NDUFS2: variants seen among roughly 807,000 people sequenced by gnomAD.
NDUFS2 encodes the protein NADH dehydrogenase [ubiquinone] iron-sulfur protein 2, mitochondrial.
NDUFS2 carries 38 observed loss-of-function variants against 69.6 expected under a neutral mutation model. That is an observed-to-expected ratio of 0.55 (90% confidence interval 0.42 to 0.72). The LOEUF is 0.72. NDUFS2 is among the 30% of genes least tolerant of loss of function. The pLI is 0.00. For missense variants in NDUFS2, 468 were observed against 595.0 expected, an observed-to-expected ratio of 0.79 and a Z score of 2.22; for synonymous variants, 194 against 211.2, an observed-to-expected ratio of 0.92 and a Z score of 0.70.
chr1:161,205,145 G>A (rs112803994), intron 2 of NDUFS2, among the ~76,000 whole-genome samples: 1 of 152,082 alleles, frequency 6.6e-6, no homozygotes, highest in Non-Finnish European at 1.5e-5. Context: ...GAAAAGATGG[G>A]CTCTGGTTTC....
At chr1:161,205,862 T>A (rs145629160) in intron 2 of NDUFS2, among the ~76,000 whole-genome samples, 2,273 of 152,272 alleles carry the variant, frequency 0.015, 28 homozygotes, top group Non-Finnish European at 0.021. Flanking sequence ...TGGCCATTCA[T>A]TGGATACATT....
rs1414679694 is a variant in NDUFS2 at position 161,203,876 on chromosome 1, C to T, written c.202+333C>T. 1.9e-5 allele frequency: 7 copies of T among 372,530 alleles called. No homozygotes were observed. In the East Asian group the frequency reaches 3.9e-4, roughly 21 times the overall value. The allele number at this position is 372,530 out of a possible 1,614,324, so 23.1% of individuals were successfully genotyped here. A position where few individuals can be genotyped will look rare whatever the true frequency, so the allele number is the denominator to read the frequency against. Reference sequence around the variant, plus strand: ...CTCAGCCTCCGAAAGTGCTGAGATACAGGCTTGAGCCACCATGCCTGGCCT... The same window carrying T: ...CTCAGCCTCCGAAAGTGCTGAGATATAGGCTTGAGCCACCATGCCTGGCCT... On this transcript the variant is annotated intron_variant, in intron 2 of 13. Coordinates refer to ENST00000676972, the MANE Select transcript of NDUFS2 (RefSeq NM_001377299.1).
intron 1 of NDUFS2, 52 bp from the exon 2 acceptor site, chr1:161,203,385 G>A (rs1198394308): frequency 4.0e-6 from 6 of 1,488,128 alleles, no homozygotes; most frequent in Non-Finnish European, 5.6e-6. Context: ...GGGAACACAG[G>A]AACCAAACAC....
rs970706713 is a variant in NDUFS2 at position 161,203,737 on chromosome 1, C to T, written c.202+194C>T. ...CAGCCTCCCCAGAAAGCCGCAACAACAGGCCTGTGCCACCACAACTGGCTA... is the reference window on the plus strand; with the variant it reads ...CAGCCTCCCCAGAAAGCCGCAACAATAGGCCTGTGCCACCACAACTGGCTA... On this transcript the variant is annotated intron_variant, in intron 2 of 13. Transcript: ENST00000676972. 10 of 622,724 alleles carry T rather than the reference C, an allele frequency of 1.6e-5. No homozygotes were observed. In the Admixed American group the frequency reaches 2.5e-4, roughly 15 times the overall value. 38.6% of individuals were successfully genotyped at this position (622,724 alleles called of 1,614,324 possible).
At chr1:161,210,045 G>T (rs567091843) in intron 6 of NDUFS2, 66 bp from the exon 7 acceptor site, 114 of 1,588,466 alleles carry the variant, frequency 7.2e-5, no homozygotes, top group Middle Eastern at 5.0e-4. Context: ...GGGGGAGGGG[G>T]TGCTGAGAGG....
chr1:161,206,551 T>C lies in NDUFS2; in HGVS notation c.347T>C (p.Leu116Pro). ...VRKCDPHIGL[L>P]HRGTEKLIEY... ...AAGTGTGATCCTCACATCGGGCTCC[T>C]GCACCGAGGCACTGAGAAGCTCATT... The change falls in exon 3 of 14, where the codon CTG becomes CCG. Residue 116 changes from leucine (L) to proline (P), a missense_variant. Leu to Pro is a moderately conservative substitution (Grantham distance 98). Coordinates refer to ENST00000676972, the MANE Select transcript of NDUFS2 (RefSeq NM_001377299.1). 1 of 1,614,152 alleles carries C rather than the reference T, an allele frequency of 6.2e-7. No individual in the cohort carries two copies. The highest frequency in any genetic ancestry group is 2.2e-5 in the East Asian group (1 of 44,896).
chr1:161,212,305 C>T, intron 9 of NDUFS2, 46 bp from the exon 10 acceptor site: 8 of 1,611,724 alleles, frequency 5.0e-6, no homozygotes, highest in Admixed American at 1.7e-5. Context: ...AGCCCCATAC[C>T]TGCTCCTCTG....
upstream of NDUFS2, chr1:161,201,951 C>A: frequency 4.5e-6 from 1 of 221,152 alleles, no homozygotes; most frequent in South Asian, 5.8e-5. Flanking sequence ...AAGTAATTGG[C>A]AAAGCCTGGG....
At chr1:161,213,147 C>T in intron 10 of NDUFS2, 1 of 444,366 alleles carries the variant, frequency 2.3e-6, no homozygotes, top group Non-Finnish European at 4.2e-6. Flanking sequence ...TCTTGATCTG[C>T]CCACCTCAGC....
intron 3 of NDUFS2, among the ~76,000 whole-genome samples, chr1:161,208,940 G>A (rs75018347): frequency 0.015 from 2,250 of 152,288 alleles, 51 homozygotes; most frequent in African/African-American, 0.05. Flanking sequence ...GCCATTGTGG[G>A]AGTATTTTTA....
chr1:161,198,279 C>G, upstream of NDUFS2: 1 of 1,613,878 alleles, frequency 6.2e-7, no homozygotes, highest in Non-Finnish European at 8.5e-7. This position sits in a 1 kb window ranked among gnomAD's most constrained non-coding sequence, Gnocchi z 4.7. Flanking sequence ...CCCAGCAGCT[C>G]AGGCGCCTGG....
At position 161,214,218 on chromosome 1, in the gene NDUFS2, C is replaced by A. The variant is rs369905394; in HGVS notation, c.*25C>A. ...AGCAGGGGAGCAGCGTTTGATCCCC[C>A]CTGCCTATCAGCTTCTTCTGTGGAG... On this transcript the variant is annotated 3_prime_UTR_variant, in exon 14 of 14. Transcript: ENST00000676972. 35 of 1,599,000 alleles carry A rather than the reference C, an allele frequency of 2.2e-5. No individual in the cohort carries two copies. The highest frequency in any genetic ancestry group is 6.7e-5 in the Admixed American group (4 of 59,930).
In NDUFS2 at chr1:161,213,431, C is replaced by T; in HGVS notation, c.1168C>T (p.Gln390Ter). 6.2e-7 allele frequency: 1 copy of T among 1,610,936 alleles called. No homozygotes were observed. Among genetic ancestry groups the T allele is most frequent in the Non-Finnish European group, 8.5e-7 (1 of 1,178,304 alleles). Reference protein sequence around the residue: ...HHFKLYTEGYQVPPGATYTAI... With the variant: ...HHFKLYTEGY ...CTTTAAGTTGTATACTGAGGGCTAC[C>T]AAGTTCCTCCAGGAGCCACATATAC... Residue 390 changes from glutamine (Q) to a stop codon, truncating the protein, a stop_gained, in exon 11 of 14, where the codon CAA becomes TAA. Coordinates refer to ENST00000676972, the MANE Select transcript of NDUFS2 (RefSeq NM_001377299.1). LOFTEE classifies it high-confidence loss of function.
upstream of NDUFS2, among the ~76,000 whole-genome samples, chr1:161,201,547 G>A (rs970339819): frequency 6.6e-6 from 1 of 152,204 alleles, no homozygotes; most frequent in African/African-American, 2.4e-5. Context: ...CTACATTTCC[G>A]TGCTGTTGGC....
In NDUFS2 at chr1:161,210,795, A is replaced by G. The variant is rs569128519; in HGVS notation, c.986+85A>G. 106 of 1,593,500 alleles carry G rather than the reference A, an allele frequency of 6.7e-5. 1 individual carries two copies. The African/African-American group carries it at 1.3e-3, about 19-fold the overall frequency. ...TCTTTGCCACTTCCTTCTTTACCCTACTTCTCAGTGTCTGTGGGAGCTCTT... is the reference window on the plus strand; with the variant it reads ...TCTTTGCCACTTCCTTCTTTACCCTGCTTCTCAGTGTCTGTGGGAGCTCTT... On this transcript the variant is annotated intron_variant, in intron 9 of 13. Transcript: ENST00000676972.
Position 161,209,545 on chromosome 1 carries a change from G to C in NDUFS2, c.577G>C (p.Asp193His). ...CATGGCTGTGACCACACATGCCCTG[G>C]ACCTTGGGGCCATGACCCCTTTCTT... ...HIMAVTTHAL[D>H]LGAMTPFFWL... The change falls in exon 5 of 14, where the codon GAC becomes CAC. Residue 193 changes from aspartate to histidine, a missense_variant. By Grantham distance (81) the Asp-to-His change is moderately conservative. Transcript: ENST00000676972. The C allele has an allele frequency of 6.2e-7, 1 of 1,613,564 alleles. No homozygotes were observed. Among genetic ancestry groups the C allele is most frequent in the Non-Finnish European group, 8.5e-7 (1 of 1,180,008 alleles).
chr1:161,214,327 C>A lies in NDUFS2; in HGVS notation c.*134C>A. ...TGTTCATGTACACTTGGCTGTCAGG[C>A]TTTCTGTGCATGTACTAAAAAAGGA... On this transcript the variant is annotated 3_prime_UTR_variant, in exon 14 of 14. Coordinates refer to ENST00000676972, the MANE Select transcript of NDUFS2 (RefSeq NM_001377299.1). 3 of 890,900 alleles carry A rather than the reference C, an allele frequency of 3.4e-6. No homozygotes were observed. Among genetic ancestry groups the A allele is most frequent in the Non-Finnish European group, 3.6e-6 (2 of 550,956 alleles). The allele number at this position is 890,900 out of a possible 1,614,324, so 55.2% of individuals were successfully genotyped here.
intron 2 of NDUFS2, chr1:161,203,884 A>G: frequency 2.7e-6 from 1 of 366,240 alleles, no homozygotes; most frequent in Middle Eastern, 9.3e-4. Flanking sequence ...TACAGGCTTG[A>G]GCCACCATGC....
chr1:161,209,971 C>T (rs1242238346), intron 6 of NDUFS2, 40 bp downstream of exon 6: 1 of 1,611,394 alleles, frequency 6.2e-7, no homozygotes, highest in Admixed American at 1.7e-5. Context: ...CCAGCCCAGG[C>T]CTATTTTCCC....
Sources: allele counts gnomAD v4.1 joint callset (sites outside exome capture counted in the v4.1 genomes callset), GRCh38; gene constraint gnomAD v4.1.1; non-coding constraint Gnocchi (gnomAD v3.1); transcripts MANE v1.5; gene names NCBI Gene and HGNC (gene_info 2026-07-23, HGNC 2026-07-21).